SNAPC4: variants seen among roughly 807,000 people sequenced by gnomAD.
The protein encoded by SNAPC4 is snRNA-activating protein complex subunit 4.
Under a neutral mutation model 151.3 loss-of-function variants are expected in SNAPC4, and 127 were observed. The observed-to-expected ratio is 0.84, with a 90% confidence interval of 0.73 to 0.97. The LOEUF (loss-of-function observed/expected upper bound fraction) is 0.97, where lower values mean the gene tolerates loss of function less well. Among genes scored for constraint, SNAPC4 ranks in the 50% least tolerant of loss-of-function variants. SNAPC4 has a pLI of 0.00. For synonymous variants in SNAPC4, 1,002 were observed against 824.4 expected (o/e 1.22, Z -3.69); for missense variants, 2,186 against 1,935.0 (o/e 1.13, Z -2.43).
In SNAPC4 at chr9:136,386,680, G is replaced by A. The variant is rs182168096; in HGVS notation, c.1325+805C>T. 3.1e-3 allele frequency among the ~76,000 whole-genome samples: 468 copies of A among 151,786 alleles called. 4 individuals carry two copies. Among genetic ancestry groups the A allele is most frequent in the African/African-American group, 0.011 (445 of 41,354 alleles). ...AACTCCCAACCTCAGGTGATCCGCC[G>A]GCCTCGGCCTCCCAAAGTGTTGGGA... On this transcript the variant is annotated intron_variant, in intron 13 of 23. Coordinates refer to ENST00000684778, the MANE Select transcript of SNAPC4 (RefSeq NM_003086.4).
In SNAPC4 at chr9:136,387,800, C is replaced by A. The variant is rs1405408742; in HGVS notation, c.1172G>T (p.Trp391Leu). The change falls in exon 12 of 24, where the codon TGG (tryptophan) becomes TTG (leucine). Residue 391 changes from tryptophan to leucine, a missense_variant. Coordinates refer to ENST00000684778, the MANE Select transcript of SNAPC4 (RefSeq NM_003086.4). The stretch of plus-strand genomic sequence containing the variant: ...CAGACCAGGATCCAAGCTCTTGGTC[C>A]ATCGGTAGATCAGCTGCATGGAGTC... ...GRDSMQLIYRWTKSLDPGLKK... is the reference protein window; with the variant it reads ...GRDSMQLIYRLTKSLDPGLKK... 1 of 1,612,914 alleles carries A rather than the reference C, an allele frequency of 6.2e-7. No individual in the cohort carries two copies. Among genetic ancestry groups the A allele is most frequent in the African/African-American group, 1.3e-5 (1 of 74,862 alleles).
In SNAPC4 at chr9:136,379,213, C is replaced by T. The variant is rs761004550; in HGVS notation, c.2614G>A (p.Glu872Lys). 6.2e-7 allele frequency: 1 copy of T among 1,611,378 alleles called. No individual in the cohort carries two copies. The highest frequency in any genetic ancestry group is 2.2e-5 in the East Asian group (1 of 44,840). ...AGGGACGCCTGGGGTAGGGTGCGCT[C>T]CACCCGGCTGGACGCCAGTCTTCGG... ...GSRRLASSRVERTLPQASLLA... is the reference protein window; with the variant it reads ...GSRRLASSRVKRTLPQASLLA... Residue 872 changes from glutamate (E) to lysine (K), a missense_variant, in exon 22 of 24, where the codon GAG becomes AAG. By Grantham distance (56) the Glu-to-Lys change is moderately conservative. Transcript: ENST00000684778.
rs1278725218 is a variant in SNAPC4 at position 136,381,433 on chromosome 9, C to T, written c.2318-41G>A. 1.9e-6 allele frequency: 3 copies of T among 1,557,114 alleles called. No individual in the cohort carries two copies. In the Admixed American group the frequency reaches 5.0e-5, roughly 26 times the overall value. On this transcript the variant is annotated intron_variant, in intron 18 of 23. Transcript: ENST00000684778. Reference sequence around the variant, plus strand: ...GATAAGTGGAAAGCAGCCCCAGCTCCCATGGGCACAGGGGGATGGGTGGAA... The same window carrying T: ...GATAAGTGGAAAGCAGCCCCAGCTCTCATGGGCACAGGGGGATGGGTGGAA...
chr9:136,381,120 G>A (rs574807830), intron 19 of SNAPC4, among the ~76,000 whole-genome samples: 4 of 152,298 alleles, frequency 2.6e-5, no homozygotes, highest in African/African-American at 7.2e-5. Context: ...ACACTGTTTA[G>A]CCCGATGGGG....
At chr9:136,398,527 C>T (rs1309510020) in intron 1 of SNAPC4, 90 bp from the exon 2 acceptor site, 1 of 1,474,476 alleles carries the variant, frequency 6.8e-7, no homozygotes, top group Non-Finnish European at 9.3e-7. Flanking sequence ...TGGGGGATGG[C>T]AGGAGCCTGC....
At chr9:136,381,196 G>A (rs1833677504) in intron 19 of SNAPC4, 126 bp downstream of exon 19, 1 of 774,356 alleles carries the variant, frequency 1.3e-6, no homozygotes, top group Non-Finnish European at 2.3e-6. Context: ...CATGAAAAGT[G>A]CATTTTCAAG....
intron 9 of SNAPC4, 25 bp downstream of exon 9, chr9:136,392,497 G>A: frequency 6.2e-7 from 1 of 1,610,654 alleles, no homozygotes; most frequent in Non-Finnish European, 8.5e-7. Flanking sequence ...AAGCTGCTTG[G>A]GGCTCAGACC....
chr9:136,392,682 T>C lies in SNAPC4; in HGVS notation c.728A>G (p.Gln243Arg), dbSNP rs764269926. 5.0e-6 allele frequency: 8 copies of C among 1,613,660 alleles called. No individual in the cohort carries two copies. The highest frequency in any genetic ancestry group is 5.9e-6 in the Non-Finnish European group (7 of 1,180,000). ...KQGREAEKEI[Q>R]DINQLPEEAL... ...GGGAGGCCCCCCTCACTTGATGTCC[T>C]GGATCTCCTTCTCGGCTTCCCTGCC... is the stretch of plus-strand genomic sequence containing the variant. Residue 243 changes from glutamine to arginine, a missense_variant, in exon 8 of 24, where the codon CAG becomes CGG. Coordinates refer to ENST00000684778, the MANE Select transcript of SNAPC4 (RefSeq NM_003086.4).
At chr9:136,388,303 G>T in intron 11 of SNAPC4, 141 bp downstream of exon 11, 35 of 605,488 alleles carry the variant, frequency 5.8e-5, no homozygotes, top group Non-Finnish European at 8.3e-5. Context: ...GAGTCACCAA[G>T]AAGCGAACTG....
At chr9:136,396,899 C>T (rs1834292762) in intron 3 of SNAPC4, 78 bp downstream of exon 3, 1 of 1,149,502 alleles carries the variant, frequency 8.7e-7, no homozygotes, top group Non-Finnish European at 1.3e-6. Context: ...GGGTTCAAAC[C>T]ACGCCCCCTC....
chr9:136,383,921 G>T lies in SNAPC4; in HGVS notation c.1500+32C>A. ...CCCCCAGTTGACCAGGCCATTGTCT[G>T]GTTTCAGATAAAGAAGGAGCGAGTG... On this transcript the variant is annotated intron_variant, in intron 15 of 23. Coordinates refer to ENST00000684778, the MANE Select transcript of SNAPC4 (RefSeq NM_003086.4). This position sits in a 1 kb window ranked among gnomAD's most constrained non-coding sequence, Gnocchi z 4.2. The T allele has an allele frequency of 6.3e-7, 1 of 1,590,500 alleles. No individual in the cohort carries two copies. The highest frequency in any genetic ancestry group is 8.6e-7 in the Non-Finnish European group (1 of 1,159,400).
chr9:136,377,461 C>T, intron 22 of SNAPC4, 82 bp downstream of exon 22: 1 of 1,457,658 alleles, frequency 6.9e-7, no homozygotes, highest in Middle Eastern at 1.8e-4. Context: ...CCACCAGCCC[C>T]CACCCCACTG....
rs1292457535 is a variant in SNAPC4 at position 136,377,797 on chromosome 9, G to C, written c.4030C>G (p.Leu1344Val). 1.2e-6 allele frequency: 2 copies of C among 1,611,832 alleles called. No individual in the cohort carries two copies. The highest frequency in any genetic ancestry group is 2.2e-5 in the South Asian group (2 of 91,068). The part of the protein sequence containing the change: ...GGEAERPAGA[L>V]QASLGLVRGQ... Reference sequence around the variant, plus strand: ...CGCACCAGCCCCAGTGAGGCTTGCAGTGCTCCGGCCGGCCGCTCAGCCTCG... The same window carrying C: ...CGCACCAGCCCCAGTGAGGCTTGCACTGCTCCGGCCGGCCGCTCAGCCTCG... The change falls in exon 22 of 24, where the codon CTG (leucine) becomes GTG (valine). Residue 1344 changes from leucine to valine, a missense_variant. Physicochemically the swap from Leu to Val is conservative, Grantham distance 32. Coordinates refer to ENST00000684778, the MANE Select transcript of SNAPC4 (RefSeq NM_003086.4).
intron 11 of SNAPC4, 90 bp from the exon 12 acceptor site, chr9:136,387,938 C>T: frequency 3.9e-6 from 3 of 778,794 alleles, no homozygotes; most frequent in Non-Finnish European, 6.9e-6. Context: ...TCCCGTGGGG[C>T]CGAGACACCC....
Position 136,395,734 on chromosome 9 carries a change from C to T in SNAPC4, c.214G>A (p.Asp72Asn). 2 of 1,613,426 alleles carry T rather than the reference C, an allele frequency of 1.2e-6. No homozygotes were observed. Among genetic ancestry groups the T allele is most frequent in the Non-Finnish European group, 1.7e-6 (2 of 1,179,866 alleles). ...GGGAGGGTTTTATCCTTGGGATCGT[C>T]CTCGTCATTGCTGGCTTCGCCCCAC... ...ERWGEASNDE[D>N]DPKDKTLPED... Residue 72 changes from aspartate (D) to asparagine (N), a missense_variant, in exon 4 of 24, where the codon GAC becomes AAC. Asp to Asn is a conservative substitution (Grantham distance 23, BLOSUM62 1). Transcript: ENST00000684778.
At chr9:136,391,729 G>A (rs541076933) in intron 10 of SNAPC4, among the ~76,000 whole-genome samples, 21 of 152,368 alleles carry the variant, frequency 1.4e-4, no homozygotes, top group African/African-American at 5.1e-4. Flanking sequence ...AGACCTGGAG[G>A]ACTGGGAAGG....
chr9:136,377,407 C>T, intron 22 of SNAPC4, 136 bp downstream of exon 22: 1 of 1,139,548 alleles, frequency 8.8e-7, no homozygotes, highest in South Asian at 2.1e-5. Flanking sequence ...AACCAGCTTC[C>T]TCCTCCTAAG....
At chr9:136,399,357 G>A (rs1416190935) in intron 1 of SNAPC4, among the ~76,000 whole-genome samples, 2 of 152,296 alleles carry the variant, frequency 1.3e-5, no homozygotes, top group Admixed American at 6.5e-5. Flanking sequence ...CCTTGTTTAT[G>A]CCCGAAATGC....
intron 3 of SNAPC4, among the ~76,000 whole-genome samples, chr9:136,396,236 G>C (rs906586669): frequency 1.3e-5 from 2 of 152,236 alleles, no homozygotes; most frequent in Non-Finnish European, 2.9e-5. Flanking sequence ...GGCTACAGCA[G>C]GGTGCTCACT....
Sources: allele counts gnomAD v4.1 joint callset (sites outside exome capture counted in the v4.1 genomes callset), GRCh38; gene constraint gnomAD v4.1.1; non-coding constraint Gnocchi (gnomAD v3.1); transcripts MANE v1.5; gene names NCBI Gene and HGNC (gene_info 2026-07-23, HGNC 2026-07-21).